Variants in PAX9 observed in about 807,000 individuals in gnomAD.
PAX9 encodes the protein paired box 9, also known as paired box protein Pax-9.
Under a neutral mutation model 29.1 loss-of-function variants are expected in PAX9, and 6 were observed. That is an observed-to-expected ratio of 0.21 (90% confidence interval 0.11 to 0.41). The LOEUF (loss-of-function observed/expected upper bound fraction) is 0.41, where lower values mean the gene tolerates loss of function less well. PAX9 is among the 10% of genes least tolerant of loss of function. PAX9 has a pLI of 1.00. For missense variants in PAX9, 443 were observed against 479.1 expected, an observed-to-expected ratio of 0.92 and a Z score of 0.70; for synonymous variants, 217 against 211.7, an observed-to-expected ratio of 1.03 and a Z score of -0.22.
Position 36,663,452 on chromosome 14 carries a change from C to T in PAX9, c.560C>T (p.Ala187Val). 6.2e-7 allele frequency: 1 copy of T among 1,612,968 alleles called. No homozygotes were observed. Among genetic ancestry groups the T allele is most frequent in the Non-Finnish European group, 8.5e-7 (1 of 1,179,758 alleles). The change falls in exon 2 of 4, where the codon GCC (alanine) becomes GTC (valine). Residue 187 changes from alanine to valine, a missense_variant. By Grantham distance (64) the Ala-to-Val change is moderately conservative (BLOSUM62 0). This residue lies in a region of PAX9 where 336 missense variants were observed against 317.2 expected (regional missense o/e 1.06). Coordinates refer to ENST00000361487, the MANE Select transcript of PAX9 (RefSeq NM_001372076.1). ...GTGCCTGCCATCCCCGGTTCGGTGG[C>T]CATGCCGCGCACCTGGCCCTCCTCG... is the stretch of plus-strand genomic sequence containing the variant. Reference protein sequence around the residue: ...PGVPAIPGSVAMPRTWPSSHS... With the variant: ...PGVPAIPGSVVMPRTWPSSHS...
chr14:36,674,969 T>C (rs1035163524), intron 3 of PAX9, among the ~76,000 whole-genome samples: 7 of 152,216 alleles, frequency 4.6e-5, no homozygotes, highest in African/African-American at 1.7e-4. Flanking sequence ...CTCATAGATG[T>C]AGAAGTGAAA....
chr14:36,678,215 T>C lies in PAX9; in HGVS notation c.*1763T>C, dbSNP rs141026836. 1,602 of 504,360 alleles carry C rather than the reference T, an allele frequency of 3.2e-3. 21 individuals carry two copies. The highest frequency in any genetic ancestry group is 0.027 in the African/African-American group (1,416 of 52,566). The allele number at this position is 504,360 out of a possible 1,614,324, so 31.2% of individuals were successfully genotyped here. A position where few individuals can be genotyped will look rare whatever the true frequency, so the allele number is the denominator to read the frequency against. On this transcript the variant is annotated 3_prime_UTR_variant, in exon 4 of 4. Coordinates refer to ENST00000361487, the MANE Select transcript of PAX9 (RefSeq NM_001372076.1). ...TGGCTTCGTTTAAAACTCAGATGGC[T>C]AGATTAGTTAGGTTTTCAAATCACT...
At chr14:36,666,715 G>A in intron 3 of PAX9, 114 bp downstream of exon 3, 2 of 1,343,746 alleles carry the variant, frequency 1.5e-6, no homozygotes, top group South Asian at 1.3e-5. Flanking sequence ...CCAGGCTGGC[G>A]TCCCTTTGCT....
intron 1 of PAX9, 124 bp from the exon 2 acceptor site, chr14:36,662,773 C>A: frequency 1.7e-6 from 2 of 1,179,990 alleles, no homozygotes; most frequent in Non-Finnish European, 2.4e-6. Flanking sequence ...TTGGGGACAG[C>A]CCCAGTAGTT....
Position 36,676,701 on chromosome 14 carries a change from T to A in PAX9, c.*249T>A. ...GCAACAATAAGCATTGAATGAGACATTTGTGTTGCCCACATACTGTCTTAA... is the reference window on the plus strand; with the variant it reads ...GCAACAATAAGCATTGAATGAGACAATTGTGTTGCCCACATACTGTCTTAA... On this transcript the variant is annotated 3_prime_UTR_variant, in exon 4 of 4. Transcript: ENST00000361487. The A allele has an allele frequency of 1.8e-6, 1 of 544,606 alleles. No individual in the cohort carries two copies. The highest frequency in any genetic ancestry group is 3.3e-6 in the Non-Finnish European group (1 of 301,304). The allele number at this position is 544,606 out of a possible 1,614,324, so 33.7% of individuals were successfully genotyped here.
In PAX9 at chr14:36,678,430, G is replaced by C. The variant is rs955257035; in HGVS notation, c.*1978G>C. On this transcript the variant is annotated 3_prime_UTR_variant, in exon 4 of 4. Coordinates refer to ENST00000361487, the MANE Select transcript of PAX9 (RefSeq NM_001372076.1). ...CAGAAGGAGCAGATGAACTCTCAGG[G>C]CCATAGTCTTCCTTTGATCTTGTAA... 1.4e-6 allele frequency: 2 copies of C among 1,385,514 alleles called. No homozygotes were observed. The highest frequency in any genetic ancestry group is 2.9e-5 in the African/African-American group (2 of 69,922). 85.8% of individuals were successfully genotyped at this position (1,385,514 alleles called of 1,614,324 possible). A position where few individuals can be genotyped will look rare whatever the true frequency, so the allele number is the denominator to read the frequency against.
upstream of PAX9, among the ~76,000 whole-genome samples, chr14:36,658,376 G>GC (rs1566461951): frequency 7.0e-6 from 1 of 142,432 alleles, no homozygotes; most frequent in Admixed American, 6.7e-5. Context: ...CCTCGCTTGG[G>GC]GGGGGGGGGT....
In PAX9 at chr14:36,678,900, C is replaced by T; in HGVS notation, c.*2448C>T. ...CAAAGAAAATTATGATTTAAAGCCACTTTTTAAAATACGAGAAGGAAAATA... is the reference window on the plus strand; with the variant it reads ...CAAAGAAAATTATGATTTAAAGCCATTTTTTAAAATACGAGAAGGAAAATA... On this transcript the variant is annotated 3_prime_UTR_variant, in exon 4 of 4. Transcript: ENST00000361487. 1 of 977,510 alleles carries T rather than the reference C, an allele frequency of 1.0e-6. No homozygotes were observed. The allele number at this position is 977,510 out of a possible 1,614,324, so 60.6% of individuals were successfully genotyped here.
rs752174411 is a variant in PAX9 at position 36,672,783 on chromosome 14, TTG to T, written c.772-3413_772-3412del. Among the ~76,000 whole-genome samples the T allele has an allele frequency of 3.0e-3, 307 of 103,714 alleles. 3 individuals are homozygous for T. The highest frequency in any genetic ancestry group is 0.011 in the African/African-American group (286 of 26,546). 68.0% of individuals were successfully genotyped at this position (103,714 alleles called of 152,430 possible). ...ACTGTTTAAGTTTAAAGATTTATGT[TTG>T]TTTTTTTTTTTAAGCAAACGTTTTA... On this transcript the variant is annotated intron_variant, in intron 3 of 3. Transcript: ENST00000361487.
rs1379693638 is a variant in PAX9 at position 36,678,336 on chromosome 14, C to T, written c.*1884C>T. 1 of 694,690 alleles carries T rather than the reference C, an allele frequency of 1.4e-6. No homozygotes were observed. Among genetic ancestry groups the T allele is most frequent in the East Asian group, 2.7e-5 (1 of 36,940 alleles). 43.0% of individuals were successfully genotyped at this position (694,690 alleles called of 1,614,324 possible). On this transcript the variant is annotated 3_prime_UTR_variant, in exon 4 of 4. Transcript: ENST00000361487. ...ATATCTTATAGAGAGCTTTGAACTG[C>T]ATTTATTTCTAAAGCAACCGAAATT... is the stretch of plus-strand genomic sequence containing the variant.
intron 3 of PAX9, among the ~76,000 whole-genome samples, chr14:36,671,520 T>C (rs1017022657): frequency 2.0e-5 from 3 of 152,188 alleles, no homozygotes; most frequent in African/African-American, 7.2e-5. Context: ...ATTTTTGCTT[T>C]GTTTTTTAAG....
chr14:36,670,054 G>A (rs1881648448), intron 3 of PAX9, among the ~76,000 whole-genome samples: 1 of 151,968 alleles, frequency 6.6e-6, no homozygotes. Flanking sequence ...ATAGGGACTG[G>A]AATACATTTG....
chr14:36,658,520 C>T (rs934310881), upstream of PAX9: 4 of 152,426 alleles, frequency 2.6e-5, no homozygotes, highest in Non-Finnish European at 5.9e-5. Context: ...TCGCCCTATC[C>T]TCCCATCCAC....
chr14:36,670,257 GAT>G, intron 3 of PAX9, among the ~76,000 whole-genome samples: 1 of 152,016 alleles, frequency 6.6e-6, no homozygotes, highest in Non-Finnish European at 1.5e-5. Flanking sequence ...TGGGGTTGCA[GAT>G]ATTAATTTGG....
upstream of PAX9, among the ~76,000 whole-genome samples, chr14:36,660,495 G>C (rs1331558921): frequency 6.6e-6 from 1 of 152,162 alleles, no homozygotes; most frequent in Non-Finnish European, 1.5e-5. Context: ...CATAGAAGTG[G>C]GAATCTGGAG....
Position 36,662,220 on chromosome 14 carries a change from G to C in PAX9, c.4+127G>C, listed in dbSNP as rs1881302542. The C allele has an allele frequency of 1.8e-5, 20 of 1,105,802 alleles. No individual in the cohort carries two copies. In the East Asian group the frequency reaches 5.3e-4, roughly 29 times the overall value. 68.5% of individuals were successfully genotyped at this position (1,105,802 alleles called of 1,614,324 possible). A position where few individuals can be genotyped will look rare whatever the true frequency, so the allele number is the denominator to read the frequency against. On this transcript the variant is annotated intron_variant, in intron 1 of 3. Coordinates refer to ENST00000361487, the MANE Select transcript of PAX9 (RefSeq NM_001372076.1). ...GGCGCTCACATTCTCTATTGACTTT[G>C]CTCGTGTTCCTACAAGTTGTAGGAA... is the stretch of plus-strand genomic sequence containing the variant.
rs1198959651 is a variant in PAX9, at chr14:36,666,746, T to A, written c.771+145T>A. 4.4e-6 allele frequency: 5 copies of A among 1,131,090 alleles called. No individual in the cohort carries two copies. In the African/African-American group the frequency reaches 7.6e-5, roughly 17 times the overall value. 70.1% of individuals were successfully genotyped at this position (1,131,090 alleles called of 1,614,324 possible). On this transcript the variant is annotated intron_variant, in intron 3 of 3. Coordinates refer to ENST00000361487, the MANE Select transcript of PAX9 (RefSeq NM_001372076.1). ...TTGCTGCTACGAGCCAGATCCTTCG[T>A]GGACTGGGGCGAAGCAGAGGCCTGA...
chr14:36,666,471 G>A lies in PAX9; in HGVS notation c.641G>A (p.Ser214Asn). Residue 214 changes from serine (S) to asparagine (N), a missense_variant, in exon 3 of 4, where the codon AGC (serine) becomes AAC (asparagine). Ser to Asn is a conservative substitution (Grantham distance 46). This residue lies in a region of PAX9 where 336 missense variants were observed against 317.2 expected (regional missense o/e 1.06). Transcript: ENST00000361487. The stretch of plus-strand genomic sequence containing the variant: ...CTCTTCTCTCCATCAGTGAGCGACA[G>A]CTCCCCCTACCACAGCCCCAAGGTG... ...IRSITDQVSD[S>N]SPYHSPKVEE... 6.2e-7 allele frequency: 1 copy of A among 1,610,722 alleles called. No homozygotes were observed. Among genetic ancestry groups the A allele is most frequent in the South Asian group, 1.1e-5 (1 of 90,354 alleles).
In PAX9 at chr14:36,666,451, C is replaced by T. The variant is rs1386842822; in HGVS notation, c.632-11C>T. ...GGCCTCCGGCCTGACACCCTCTCTT[C>T]TCTCCATCAGTGAGCGACAGCTCCC... On this transcript the variant is annotated splice_polypyrimidine_tract_variant and intron_variant, in intron 2 of 3. Transcript: ENST00000361487. 1 of 1,609,902 alleles carries T rather than the reference C, an allele frequency of 6.2e-7. No homozygotes were observed. Among genetic ancestry groups the T allele is most frequent in the South Asian group, 1.1e-5 (1 of 90,186 alleles).
Sources: allele counts gnomAD v4.1 joint callset (sites outside exome capture counted in the v4.1 genomes callset), GRCh38; gene constraint gnomAD v4.1.1; regional missense constraint gnomAD v4.1.1; transcripts MANE v1.5; gene names NCBI Gene and HGNC (gene_info 2026-07-23, HGNC 2026-07-21).